TNR: variants seen among roughly 807,000 people sequenced by gnomAD.
The protein encoded by TNR is tenascin-R.
A neutral mutation model predicts 150.4 loss-of-function variants in TNR; 45 were observed. The ratio of observed to expected loss-of-function variants is 0.30; its 90% CI spans 0.24 to 0.38. TNR has a LOEUF of 0.38. TNR is among the 10% of genes least tolerant of loss of function. The probability of loss-of-function intolerance (pLI) is 1.00; values close to 1 mark genes in which losing one functional copy is unlikely to be tolerated. For synonymous variants in TNR, 687 were observed against 678.4 expected (o/e 1.01, Z -0.20); for missense variants, 1,544 against 1,759.1 (o/e 0.88, Z 2.19).
At chr1:175,730,112 TC>T (rs1228650525) in intron 1 of TNR, among the ~76,000 whole-genome samples, 1 of 152,020 alleles carries the variant, frequency 6.6e-6, no homozygotes, top group Non-Finnish European at 1.5e-5. Context: ...CTCTCACCAT[TC>T]TCACTACCGC....
chr1:175,409,717 A>T (rs988160202), intron 2 of TNR, among the ~76,000 whole-genome samples: 1 of 152,110 alleles, frequency 6.6e-6, no homozygotes, highest in Non-Finnish European at 1.5e-5. Flanking sequence ...GAGAGGGAAA[A>T]GTTTAGCATT....
intron 2 of TNR, among the ~76,000 whole-genome samples, chr1:175,422,974 G>C (rs1181702429): frequency 6.6e-6 from 1 of 152,206 alleles, no homozygotes; most frequent in Non-Finnish European, 1.5e-5. Context: ...TCATTGCCTG[G>C]TGAACAGGTC....
intron 1 of TNR, among the ~76,000 whole-genome samples, chr1:175,701,679 C>G (rs949022229): frequency 6.6e-6 from 1 of 152,220 alleles, no homozygotes; most frequent in African/African-American, 2.4e-5. Flanking sequence ...ACCATTCTTT[C>G]AATTGTATTA....
chr1:175,589,532 A>G (rs1662711445), intron 1 of TNR, among the ~76,000 whole-genome samples: 1 of 152,248 alleles, frequency 6.6e-6, no homozygotes. Flanking sequence ...AACAAAAATT[A>G]ATGCAAAAAG....
At chr1:175,582,575 C>A (rs564483555) in intron 1 of TNR, among the ~76,000 whole-genome samples, 1 of 152,110 alleles carries the variant, frequency 6.6e-6, no homozygotes, top group Non-Finnish European at 1.5e-5. Flanking sequence ...GAGGTTGAAA[C>A]CCTGGGAGAG....
intron 8 of TNR, among the ~76,000 whole-genome samples, chr1:175,385,221 T>C (rs2102030046): frequency 6.6e-6 from 1 of 152,328 alleles, no homozygotes; most frequent in Non-Finnish European, 1.5e-5. Flanking sequence ...AGGCCCTTAT[T>C]GACCCAATTG....
intron 1 of TNR, among the ~76,000 whole-genome samples, chr1:175,690,436 G>A (rs1666326404): frequency 6.6e-6 from 1 of 152,232 alleles, no homozygotes; most frequent in African/African-American, 2.4e-5. Context: ...AAGTCCTCTT[G>A]AGAAGGTGAC....
intron 2 of TNR, among the ~76,000 whole-genome samples, chr1:175,433,543 C>A (rs1557931466): frequency 6.6e-6 from 1 of 152,172 alleles, no homozygotes; most frequent in Non-Finnish European, 1.5e-5. Flanking sequence ...GAGCCTCCTA[C>A]AGAAGTGTCA....
intron 18 of TNR, among the ~76,000 whole-genome samples, chr1:175,346,681 A>G (rs1650800867): frequency 6.6e-6 from 1 of 152,180 alleles, no homozygotes; most frequent in Non-Finnish European, 1.5e-5. Flanking sequence ...TGAAATGAAT[A>G]TATTTCCAAA....
chr1:175,607,979 G>T (rs1245885093), intron 1 of TNR, among the ~76,000 whole-genome samples: 1 of 152,236 alleles, frequency 6.6e-6, no homozygotes, highest in Non-Finnish European at 1.5e-5. Flanking sequence ...TGTGGTCAGA[G>T]AAGGGACAGC....
chr1:175,706,114 T>C (rs1666836753), intron 1 of TNR, among the ~76,000 whole-genome samples: 1 of 152,070 alleles, frequency 6.6e-6, no homozygotes, highest in Non-Finnish European at 1.5e-5. Context: ...TAGTTTGACA[T>C]CAATGAGATA....
intron 1 of TNR, among the ~76,000 whole-genome samples, chr1:175,589,807 T>C (rs999641825): frequency 2.7e-5 from 4 of 150,130 alleles, no homozygotes; most frequent in Admixed American, 6.6e-5. Context: ...TGAGAACACA[T>C]GGACACAGGA....
chr1:175,706,236 TTTAAA>T (rs1666839487), intron 1 of TNR, among the ~76,000 whole-genome samples: 2 of 152,194 alleles, frequency 1.3e-5, no homozygotes, highest in African/African-American at 4.8e-5. Flanking sequence ...TTTAATTAAC[TTTAAA>T]TTAAGCACCA....
At chr1:175,478,789 G>T (rs1657658390) in intron 2 of TNR, among the ~76,000 whole-genome samples, 1 of 152,126 alleles carries the variant, frequency 6.6e-6, no homozygotes, top group East Asian at 1.9e-4. Flanking sequence ...ACCTGCTCTT[G>T]TTTTTTCCAG....
At chr1:175,373,851 C>G (rs1351962) in intron 9 of TNR, among the ~76,000 whole-genome samples, 2 of 152,304 alleles carry the variant, frequency 1.3e-5, no homozygotes, top group South Asian at 4.2e-4. Context: ...GTCCCAGCTC[C>G]GTGAGGAAGA....
At chr1:175,377,366 G>A (rs1484069760) in intron 9 of TNR, among the ~76,000 whole-genome samples, 7 of 151,768 alleles carry the variant, frequency 4.6e-5, no homozygotes, top group South Asian at 2.1e-4. Context: ...GTTAGCCATC[G>A]ATTTTATATA....
At chr1:175,421,917 C>T (rs1261781876) in intron 2 of TNR, among the ~76,000 whole-genome samples, 2 of 152,246 alleles carry the variant, frequency 1.3e-5, no homozygotes, top group Admixed American at 6.5e-5. Context: ...CTTAGACTGA[C>T]ATGTGCATTG....
At chr1:175,421,266 G>A (rs1432412656) in intron 2 of TNR, among the ~76,000 whole-genome samples, 2 of 152,152 alleles carry the variant, frequency 1.3e-5, no homozygotes, top group Non-Finnish European at 2.9e-5. Context: ...GGCCCCATGA[G>A]GCTCTCAGAT....
intron 1 of TNR, among the ~76,000 whole-genome samples, chr1:175,668,350 A>T (rs191453310): frequency 3.9e-5 from 6 of 152,240 alleles, no homozygotes; most frequent in Non-Finnish European, 7.4e-5. Flanking sequence ...TTGTTTGAAG[A>T]GAGGTGTCTA....
Sources: gnomAD v4.1 joint callset for allele counts (sites outside exome capture counted in the v4.1 genomes callset) on GRCh38, gnomAD v4.1.1 for gene constraint, MANE v1.5 for transcripts, NCBI Gene and HGNC (gene_info 2026-07-23, HGNC 2026-07-21) for gene names.